The following MYH15 variants were observed in gnomAD, a reference collection of about 807,000 sequenced individuals.
MYH15 encodes the protein myosin-15.
In MYH15, 227 loss-of-function variants were observed where a neutral mutation model predicts 240.5. The ratio of observed to expected loss-of-function variants is 0.94; its 90% CI spans 0.85 to 1.05. The LOEUF (loss-of-function observed/expected upper bound fraction) is 1.05. Ranked by LOEUF, MYH15 falls within the 50% of genes least tolerant of loss-of-function variation. The pLI is 0.00. For missense variants in MYH15, 2,217 were observed against 2,247.5 expected (o/e 0.99, Z 0.27); for synonymous variants, 785 against 796.7 (o/e 0.99, Z 0.25).
chr3:108,545,686 T>TAC, the MYH15 span, among the ~76,000 whole-genome samples: 8 of 139,532 alleles, frequency 5.7e-5, no homozygotes, highest in African/African-American at 2.1e-4. Context: ...CTGTTTCTAA[T>TAC]ATACACATAC....
rs768199591 is a variant in MYH15 at position 108,441,061 on chromosome 3, A to G, written c.2855T>C (p.Met952Thr). 3 of 1,614,004 alleles carry G rather than the reference A, an allele frequency of 1.9e-6. No homozygotes were observed. Among genetic ancestry groups the G allele is most frequent in the Non-Finnish European group, 1.7e-6 (2 of 1,180,006 alleles). ...CTTCTCCTTCTCTGACTTCACCAAC[A>G]TTGTTTCCAGGTCATCGATTTCTTT... ...LKKEIDDLETMLVKSEKEKRT... is the reference protein window; with the variant it reads ...LKKEIDDLETTLVKSEKEKRT... The change falls in exon 23 of 41, where the codon ATG becomes ACG. Residue 952 changes from methionine to threonine, a missense_variant. Coordinates refer to ENST00000693548, the MANE Select transcript of MYH15 (RefSeq NM_014981.3).
At chr3:108,437,485 G>A (rs2082848867) in intron 25 of MYH15, 69 bp downstream of exon 25, 1 of 1,539,008 alleles carries the variant, frequency 6.5e-7, no homozygotes, top group South Asian at 1.3e-5. Context: ...AAGGATAAAT[G>A]AAATGAGAAA....
At chr3:108,446,367 T>A (rs2107572601) in intron 21 of MYH15, among the ~76,000 whole-genome samples, 1 of 152,322 alleles carries the variant, frequency 6.6e-6, no homozygotes, top group Non-Finnish European at 1.5e-5. Context: ...CAGGCCATCA[T>A]GCCCCAAGAC....
At position 108,416,891 on chromosome 3, in the gene MYH15, A is replaced by C. The variant is rs557994087; in HGVS notation, c.3869T>G (p.Ile1290Arg). Residue 1290 changes from isoleucine (I) to arginine (R), a missense_variant, in exon 29 of 41, where the codon ATA becomes AGA. Coordinates refer to ENST00000693548, the MANE Select transcript of MYH15 (RefSeq NM_014981.3). ...GCTCTTTTCCCTGGAAAGTTGGTTT[A>C]TCAGAGCCTCCTTCTCTTCAAGCCT... is the stretch of plus-strand genomic sequence containing the variant. ...LRRLEEKEALINQLSREKSNF... is the reference protein window; with the variant it reads ...LRRLEEKEALRNQLSREKSNF... The C allele has an allele frequency of 1.4e-5, 23 of 1,614,080 alleles. No individual in the cohort carries two copies. The highest frequency in any genetic ancestry group is 3.3e-4 in the Middle Eastern group (2 of 6,062).
intron 1 of MYH15, among the ~76,000 whole-genome samples, chr3:108,525,424 C>T (rs186410287): frequency 6.6e-6 from 1 of 152,168 alleles, no homozygotes; most frequent in African/African-American, 2.4e-5. Context: ...ATAATGCCTA[C>T]TTATTTGGAA....
chr3:108,402,363 G>A (rs1380188404), intron 33 of MYH15, among the ~76,000 whole-genome samples: 2 of 152,224 alleles, frequency 1.3e-5, no homozygotes, highest in African/African-American at 4.8e-5. Context: ...GTTCAGAGGA[G>A]TGGACTTTAC....
At chr3:108,480,897 C>T (rs2083261224) in intron 11 of MYH15, among the ~76,000 whole-genome samples, 1 of 152,200 alleles carries the variant, frequency 6.6e-6, no homozygotes, top group Non-Finnish European at 1.5e-5. Context: ...CCCGTTCCTT[C>T]TTCTCCATCT....
At chr3:108,425,364 T>C (rs915961386) in intron 27 of MYH15, among the ~76,000 whole-genome samples, 9 of 152,208 alleles carry the variant, frequency 5.9e-5, no homozygotes, top group African/African-American at 2.2e-4. Context: ...GCTTTATGAA[T>C]ATTCTAAATA....
chr3:108,391,249 A>C (rs1323322996), intron 37 of MYH15, among the ~76,000 whole-genome samples: 1 of 152,218 alleles, frequency 6.6e-6, no homozygotes. Context: ...TCTTATTTTC[A>C]AGATGCTATT....
chr3:108,539,491 G>A, the MYH15 span, among the ~76,000 whole-genome samples: 1 of 151,986 alleles, frequency 6.6e-6, no homozygotes, highest in Non-Finnish European at 1.5e-5. Flanking sequence ...TGTATTAGCA[G>A]ATAGAAAAAT....
chr3:108,454,230 C>G, intron 20 of MYH15, 88 bp from the exon 21 acceptor site: 1 of 1,182,944 alleles, frequency 8.5e-7, no homozygotes, highest in South Asian at 2.1e-5. Flanking sequence ...TGTTGTGTTC[C>G]TAGGGATAAC....
At chr3:108,466,103 T>A (rs555639226) in intron 14 of MYH15, among the ~76,000 whole-genome samples, 9 of 152,212 alleles carry the variant, frequency 5.9e-5, no homozygotes, top group African/African-American at 2.2e-4. Context: ...CATGCTCCCA[T>A]CAAACTTGAT....
intron 14 of MYH15, 79 bp from the exon 15 acceptor site, chr3:108,464,893 C>T (rs1054583031): frequency 4.7e-6 from 6 of 1,287,686 alleles, no homozygotes; most frequent in Non-Finnish European, 2.1e-6. Context: ...AAATTCTTTC[C>T]CAGGAACCTA....
intron 25 of MYH15, among the ~76,000 whole-genome samples, chr3:108,434,059 T>G (rs2082804268): frequency 6.6e-6 from 1 of 151,656 alleles, no homozygotes; most frequent in African/African-American, 2.4e-5. Flanking sequence ...TGATTGATAT[T>G]AATATATTAT....
chr3:108,481,220 A>C (rs1254679150), intron 11 of MYH15, among the ~76,000 whole-genome samples: 1 of 152,228 alleles, frequency 6.6e-6, no homozygotes, highest in Admixed American at 6.5e-5. Flanking sequence ...TTATTTTAAA[A>C]AGTTATATGT....
chr3:108,448,936 A>G (rs1215919690), intron 21 of MYH15, among the ~76,000 whole-genome samples: 1 of 152,012 alleles, frequency 6.6e-6, no homozygotes, highest in Non-Finnish European at 1.5e-5. Context: ...AACATAAAAA[A>G]TTAGTAACAT....
intron 24 of MYH15, 144 bp from the exon 25 acceptor site, chr3:108,437,843 A>G (rs2082854051): frequency 1.2e-6 from 1 of 829,832 alleles, no homozygotes; most frequent in South Asian, 2.3e-5. Flanking sequence ...AGATATTTCC[A>G]AATAAATATT....
chr3:108,441,189 G>A lies in MYH15; in HGVS notation c.2727C>T (p.Ala909=), dbSNP rs1241156326. The A allele has an allele frequency of 1.2e-6, 2 of 1,614,028 alleles. No homozygotes were observed. Among genetic ancestry groups the A allele is most frequent in the Admixed American group, 3.3e-5 (2 of 60,006 alleles). The change falls in exon 23 of 41, where the codon GCC becomes GCT. Residue 909 remains alanine (A), a synonymous_variant. Coordinates refer to ENST00000693548, the MANE Select transcript of MYH15 (RefSeq NM_014981.3). ...WLIKSKIQLE[A]RVKELSERVE... ...CCCTCTCCGACAGCTCCTTTACTCT[G>A]GCCTCCAGCTGGATCTTGGATTTAA...
intron 27 of MYH15, among the ~76,000 whole-genome samples, chr3:108,425,194 A>G (rs2082716967): frequency 6.6e-6 from 1 of 152,204 alleles, no homozygotes; most frequent in African/African-American, 2.4e-5. Context: ...GTAAAAATGA[A>G]TATTTGTTTA....
Sources: gnomAD v4.1 joint callset for allele counts (sites outside exome capture counted in the v4.1 genomes callset) on GRCh38, gnomAD v4.1.1 for gene constraint, MANE v1.5 for transcripts, NCBI Gene and HGNC (gene_info 2026-07-23, HGNC 2026-07-21) for gene names.